The following GRIK2 variants were observed in gnomAD, a reference collection of about 807,000 sequenced individuals.
The protein encoded by GRIK2 is glutamate ionotropic receptor kainate type subunit 2, also known as glutamate receptor ionotropic, kainate 2.
GRIK2 carries 32 observed loss-of-function variants against 100.3 expected under a neutral mutation model. The ratio of observed to expected loss-of-function variants is 0.32; its 90% CI spans 0.24 to 0.43. The LOEUF (loss-of-function observed/expected upper bound fraction) is 0.43, where lower values mean the gene tolerates loss of function less well. Ranked by LOEUF, GRIK2 falls within the 20% of genes least tolerant of loss-of-function variation. The probability of loss-of-function intolerance (pLI) is 1.00; values close to 1 mark genes in which losing one functional copy is unlikely to be tolerated. For missense variants in GRIK2, 843 were observed against 1,114.9 expected (o/e 0.76, Z 3.47); for synonymous variants, 417 against 389.4 (o/e 1.07, Z -0.83).
intron 2 of GRIK2, among the ~76,000 whole-genome samples, chr6:101,467,623 A>C (rs1294235469): frequency 6.6e-6 from 1 of 152,166 alleles, no homozygotes; most frequent in East Asian, 1.9e-4. Flanking sequence ...TGGGAAGAAA[A>C]GAGGGCAAAA....
intron 4 of GRIK2, among the ~76,000 whole-genome samples, chr6:101,652,236 C>T (rs78092959): frequency 0.025 from 3,784 of 152,138 alleles, 144 homozygotes; most frequent in African/African-American, 0.084. Flanking sequence ...AGAGATGGGG[C>T]CTTTGGGAAG....
intron 15 of GRIK2, among the ~76,000 whole-genome samples, chr6:102,049,050 G>A (rs1771042823): frequency 6.6e-6 from 1 of 151,860 alleles, no homozygotes; most frequent in Admixed American, 6.6e-5. Flanking sequence ...ATCAATTTTA[G>A]TATACAGCTA....
intron 2 of GRIK2, among the ~76,000 whole-genome samples, chr6:101,551,693 A>G (rs974331765): frequency 6.6e-6 from 1 of 152,106 alleles, no homozygotes; most frequent in Non-Finnish European, 1.5e-5. Flanking sequence ...GACTTATACT[A>G]CCAAAAAGAG....
intron 14 of GRIK2, among the ~76,000 whole-genome samples, chr6:102,015,547 T>C (rs1795790688): frequency 6.6e-6 from 1 of 152,144 alleles, no homozygotes; most frequent in Admixed American, 6.5e-5. Flanking sequence ...ATCAGGTCCT[T>C]TGCCCCCCAG....
intron 4 of GRIK2, among the ~76,000 whole-genome samples, chr6:101,646,378 A>T (rs1781528842): frequency 6.6e-6 from 1 of 151,932 alleles, no homozygotes; most frequent in African/African-American, 2.4e-5. Flanking sequence ...TATGTTGCTG[A>T]ATTTAGTAAA....
At chr6:101,843,998 A>C (rs1783666945) in intron 10 of GRIK2, among the ~76,000 whole-genome samples, 1 of 152,012 alleles carries the variant, frequency 6.6e-6, no homozygotes, top group African/African-American at 2.4e-5. Flanking sequence ...ATAGAACAAC[A>C]CCTGGAACAT....
At chr6:101,629,484 T>C (rs1382366016) in intron 4 of GRIK2, among the ~76,000 whole-genome samples, 1 of 152,112 alleles carries the variant, frequency 6.6e-6, no homozygotes, top group Admixed American at 6.6e-5. Context: ...GAGCTTCTAA[T>C]CCCTATTGAG....
intron 16 of GRIK2, chr6:102,065,940 G>A: frequency 7.5e-7 from 1 of 1,325,660 alleles, no homozygotes; most frequent in Non-Finnish European, 9.8e-7. Flanking sequence ...TAGGTATTAA[G>A]CAACAAGAAA....
At chr6:101,435,981 A>G (rs879641820) in intron 2 of GRIK2, among the ~76,000 whole-genome samples, 18 of 152,038 alleles carry the variant, frequency 1.2e-4, no homozygotes, top group African/African-American at 4.1e-4. Context: ...CTTTTATTTC[A>G]TATGGAAATA....
intron 2 of GRIK2, among the ~76,000 whole-genome samples, chr6:101,445,085 T>G (rs1239810269): frequency 6.6e-6 from 1 of 152,122 alleles, no homozygotes. Context: ...CTGAGAATCT[T>G]GGAACTGAGA....
chr6:101,696,878 A>T (rs1772528362), intron 7 of GRIK2, among the ~76,000 whole-genome samples: 1 of 152,048 alleles, frequency 6.6e-6, no homozygotes, highest in South Asian at 2.1e-4. Context: ...TTAGATGTGC[A>T]GCCAGATTTT....
At chr6:101,866,430 T>C (rs1053390342) in intron 11 of GRIK2, among the ~76,000 whole-genome samples, 3 of 152,224 alleles carry the variant, frequency 2.0e-5, no homozygotes, top group African/African-American at 7.2e-5. Flanking sequence ...ATGTACCCCA[T>C]AAATATGTGA....
At position 101,771,966 on chromosome 6, in the gene GRIK2, C is replaced by T. The variant is rs150442358; in HGVS notation, c.952-27682C>T. Among the ~76,000 whole-genome samples the T allele has an allele frequency of 3.3e-3, 496 of 152,170 alleles. 1 individual carries two copies. The highest frequency in any genetic ancestry group is 0.011 in the African/African-American group (474 of 41,508). On this transcript the variant is annotated intron_variant, in intron 7 of 16. Coordinates refer to ENST00000369134, the MANE Select transcript of GRIK2 (RefSeq NM_021956.5). ...CATTTGGGTTGGTTCCAAGTCTTTG[C>T]TATTGTGAATAGTGTCGCAATAAAC...
At chr6:101,716,836 A>G (rs1774109080) in intron 7 of GRIK2, among the ~76,000 whole-genome samples, 1 of 151,770 alleles carries the variant, frequency 6.6e-6, no homozygotes, top group Non-Finnish European at 1.5e-5. Context: ...ATAGCTAAAA[A>G]CCTGAGATTC....
At chr6:101,963,220 T>C (rs1167019813) in intron 14 of GRIK2, among the ~76,000 whole-genome samples, 7 of 149,730 alleles carry the variant, frequency 4.7e-5, no homozygotes, top group Non-Finnish European at 1.0e-4. Flanking sequence ...TTGTGGTTGA[T>C]TTAGGACTTA....
At chr6:101,607,713 G>A (rs1318928383) in intron 2 of GRIK2, among the ~76,000 whole-genome samples, 1 of 151,932 alleles carries the variant, frequency 6.6e-6, no homozygotes, top group East Asian at 1.9e-4. Flanking sequence ...ATATTTCACA[G>A]TAGTTCTTTG....
At chr6:101,589,129 T>C (rs1778524907) in intron 2 of GRIK2, among the ~76,000 whole-genome samples, 1 of 152,140 alleles carries the variant, frequency 6.6e-6, no homozygotes, top group African/African-American at 2.4e-5. Flanking sequence ...TGCGATTCAC[T>C]ATGACACTGA....
In GRIK2 at chr6:101,772,235, A is replaced by C. The variant is rs1778450508; in HGVS notation, c.952-27413A>C. Among the ~76,000 whole-genome samples the C allele has an allele frequency of 2.6e-5, 4 of 152,212 alleles. No homozygotes were observed. In the South Asian group the frequency reaches 8.3e-4, roughly 31 times the overall value. The stretch of plus-strand genomic sequence containing the variant: ...GTACCTCTTTCCTAATGGCTTCCTC[A>C]AAAAGCTTGGGTTTAACTAATGAGC... On this transcript the variant is annotated intron_variant, in intron 7 of 16. Coordinates refer to ENST00000369134, the MANE Select transcript of GRIK2 (RefSeq NM_021956.5).
At chr6:101,574,643 G>A (rs1252372545) in intron 2 of GRIK2, among the ~76,000 whole-genome samples, 1 of 151,014 alleles carries the variant, frequency 6.6e-6, no homozygotes, top group East Asian at 1.9e-4. Flanking sequence ...GCATGTACAG[G>A]GCTTGCTTTT....
Sources: allele counts gnomAD v4.1 joint callset (sites outside exome capture counted in the v4.1 genomes callset), GRCh38; gene constraint gnomAD v4.1.1; transcripts MANE v1.5; gene names NCBI Gene and HGNC (gene_info 2026-07-23, HGNC 2026-07-21).